The following CYRIB variants were observed in gnomAD, a reference collection of about 807,000 sequenced individuals.
CYRIB encodes CYFIP related Rac1 interactor B.
Under a neutral mutation model 44.2 loss-of-function variants are expected in CYRIB, and 8 were observed. That is an observed-to-expected ratio of 0.18 (90% CI 0.11 to 0.33). CYRIB has a LOEUF of 0.33. CYRIB is among the 10% of genes least tolerant of loss of function. The probability of loss-of-function intolerance (pLI) is 1.00; values close to 1 mark genes in which losing one functional copy is unlikely to be tolerated. For synonymous variants in CYRIB, 131 were observed against 127.2 expected (o/e 1.03, Z -0.20); for missense variants, 185 against 382.8 (o/e 0.48, Z 4.31).
At chr8:129,975,901 T>G (rs896540435) in intron 1 of CYRIB, among the ~76,000 whole-genome samples, 1 of 152,056 alleles carries the variant, frequency 6.6e-6, no homozygotes, top group East Asian at 1.9e-4. Context: ...ACCATATTGC[T>G]CCAAAGCTCC....
At chr8:130,006,687 C>CATATATGTGTATATATATAT (rs2097109853) in intron 1 of CYRIB, among the ~76,000 whole-genome samples, 1 of 84,418 alleles carries the variant, frequency 1.2e-5, no homozygotes, top group African/African-American at 4.7e-5. Flanking sequence ...TATATATACA[C>CATATATGTGTATATATATAT]ACATATATCT....
intron 2 of CYRIB, among the ~76,000 whole-genome samples, chr8:129,950,205 A>G (rs898826047): frequency 1.3e-5 from 2 of 152,182 alleles, no homozygotes; most frequent in Admixed American, 6.5e-5. Flanking sequence ...GTTGTGTATG[A>G]TAGAAGCTGA....
At chr8:129,840,591 G>T (rs984608194) in exon 12 of CYRIB, 2 of 152,196 alleles carry the variant, frequency 1.3e-5, no homozygotes, top group African/African-American at 4.8e-5. Flanking sequence ...TATCCAGAAG[G>T]CTTCATGAAG....
chr8:129,960,013 C>T (rs868316957), intron 2 of CYRIB, among the ~76,000 whole-genome samples: 12 of 152,200 alleles, frequency 7.9e-5, no homozygotes, highest in Admixed American at 2.6e-4. Context: ...CTGACCTATC[C>T]TACCTCTACA....
rs146683281 is a variant in CYRIB, at chr8:129,956,535, G to GCACACA, written c.-243+14402_-243+14407dup. ...TATACACATACATGTCTTTGTGTTT[G>GCACACA]CACACACACACACACACACACACCT... On this transcript the variant is annotated intron_variant, in intron 2 of 14. Transcript: ENST00000401979. 1.7e-4 allele frequency among the ~76,000 whole-genome samples: 26 copies of GCACACA among 149,500 alleles called. 1 individual carries two copies. Among genetic ancestry groups the GCACACA allele is most frequent in the Admixed American group, 6.0e-4 (9 of 14,976 alleles).
At chr8:130,014,090 G>A (rs1036868133) in intron 1 of CYRIB, among the ~76,000 whole-genome samples, 1 of 152,146 alleles carries the variant, frequency 6.6e-6, no homozygotes, top group Non-Finnish European at 1.5e-5. Flanking sequence ...TCAGGAAAAC[G>A]AGAACCCTAG....
At chr8:129,951,529 A>G (rs2094501717) in intron 2 of CYRIB, among the ~76,000 whole-genome samples, 1 of 151,726 alleles carries the variant, frequency 6.6e-6, no homozygotes, top group Non-Finnish European at 1.5e-5. Context: ...GCATGGTGAA[A>G]CCCCGTTTCT....
intron 1 of CYRIB, among the ~76,000 whole-genome samples, chr8:129,919,479 T>C (rs2082415804): frequency 6.6e-6 from 1 of 152,132 alleles, no homozygotes; most frequent in Non-Finnish European, 1.5e-5. Flanking sequence ...TGAGATGACA[T>C]GTAAACAAAT....
At chr8:129,880,598 C>CAAAA (rs2060491962) in intron 2 of CYRIB, 1 of 199,500 alleles carries the variant, frequency 5.0e-6, no homozygotes, top group South Asian at 1.7e-4. Flanking sequence ...TTTGGAACAA[C>CAAAA]AAAAGCACAT....
chr8:129,893,184 T>A (rs575117204), intron 2 of CYRIB, among the ~76,000 whole-genome samples: 1 of 152,376 alleles, frequency 6.6e-6, no homozygotes, highest in South Asian at 2.1e-4. Context: ...ATCAGTTTTT[T>A]AAAATGTATC....
At chr8:130,005,181 T>C (rs1438534536) in intron 1 of CYRIB, among the ~76,000 whole-genome samples, 1 of 152,216 alleles carries the variant, frequency 6.6e-6, no homozygotes, top group Non-Finnish European at 1.5e-5. Context: ...ACCATGAAGA[T>C]GTGACTCTGT....
chr8:129,925,508 T>A (rs1009260009), intron 1 of CYRIB, among the ~76,000 whole-genome samples: 1 of 152,198 alleles, frequency 6.6e-6, no homozygotes, highest in Non-Finnish European at 1.5e-5. Flanking sequence ...ATGCATCTCC[T>A]CTGGGAATCC....
chr8:129,928,774 G>A (rs1036628424), intron 1 of CYRIB, among the ~76,000 whole-genome samples: 39 of 152,094 alleles, frequency 2.6e-4, no homozygotes, highest in African/African-American at 8.7e-4. Flanking sequence ...CCACCCAGTA[G>A]AATAATTATA....
At chr8:129,998,408 T>C (rs1019777628) in intron 1 of CYRIB, among the ~76,000 whole-genome samples, 4 of 152,194 alleles carry the variant, frequency 2.6e-5, no homozygotes, top group African/African-American at 9.7e-5. Context: ...TGGATGACTT[T>C]GCAGAGATCA....
rs573911140 is a variant in CYRIB, at chr8:129,889,621, G to A, written c.-10-10150C>T. Among the ~76,000 whole-genome samples, 10 of 152,150 alleles carry A rather than the reference G, an allele frequency of 6.6e-5. No individual in the cohort carries two copies. The South Asian group carries it at 2.1e-3, about 32-fold the overall frequency. ...TAACTCTCACAGATGACTGTGAGGG[G>A]GGTTCAAGACTTCAGTGGAGAAATG... is the stretch of plus-strand genomic sequence containing the variant. On this transcript the variant is annotated intron_variant, in intron 2 of 11. Coordinates refer to ENST00000519824, the Ensembl canonical transcript of CYRIB.
At chr8:129,931,135 G>C (rs551168216) in intron 1 of CYRIB, among the ~76,000 whole-genome samples, 2 of 151,338 alleles carry the variant, frequency 1.3e-5, no homozygotes, top group Admixed American at 6.6e-5. Context: ...AAATAAAATG[G>C]AGCCCTACTC....
chr8:129,984,552 A>C (rs753422732), intron 1 of CYRIB, among the ~76,000 whole-genome samples: 10 of 152,122 alleles, frequency 6.6e-5, no homozygotes, highest in Non-Finnish European at 1.0e-4. Context: ...TCTAGGGCTC[A>C]TTCTCCTCCC....
intron 4 of CYRIB, among the ~76,000 whole-genome samples, chr8:129,867,639 T>C (rs2054515478): frequency 6.6e-6 from 1 of 152,032 alleles, no homozygotes; most frequent in South Asian, 2.1e-4. Context: ...ACATTATTAG[T>C]ACAGTGATAA....
chr8:129,889,383 G>A (rs2134627870), intron 2 of CYRIB, among the ~76,000 whole-genome samples: 1 of 152,280 alleles, frequency 6.6e-6, no homozygotes, highest in South Asian at 2.1e-4. Context: ...TGCAGCTCAT[G>A]GATCACAAAG....
Sources: allele counts gnomAD v4.1 joint callset (sites outside exome capture counted in the v4.1 genomes callset), GRCh38; gene constraint gnomAD v4.1.1; transcripts MANE v1.5; gene names NCBI Gene and HGNC (gene_info 2026-07-23, HGNC 2026-07-21).